GPR158: variants seen among roughly 807,000 people sequenced by gnomAD.
GPR158 encodes the protein G protein-coupled receptor 158.
Under a neutral mutation model 78.2 loss-of-function variants are expected in GPR158, and 30 were observed. The ratio of observed to expected loss-of-function variants is 0.38; its 90% confidence interval spans 0.29 to 0.52. The LOEUF (loss-of-function observed/expected upper bound fraction) is 0.52. GPR158 is among the 20% of genes least tolerant of loss of function. The pLI is 0.83. For synonymous variants in GPR158, 581 were observed against 591.1 expected, an observed-to-expected ratio of 0.98 and a Z score of 0.25; for missense variants, 1,463 against 1,523.5, an observed-to-expected ratio of 0.96 and a Z score of 0.66.
At chr10:25,236,147 T>C (rs945208626) in intron 2 of GPR158, among the ~76,000 whole-genome samples, 5 of 152,182 alleles carry the variant, frequency 3.3e-5, no homozygotes, top group Non-Finnish European at 7.3e-5. Context: ...TTCACCACTG[T>C]CTCAAGTGCC....
At chr10:25,204,994 T>A (rs994566820) in intron 1 of GPR158, among the ~76,000 whole-genome samples, 18 of 152,020 alleles carry the variant, frequency 1.2e-4, no homozygotes, top group Admixed American at 7.9e-4. Flanking sequence ...CCCATACTGT[T>A]CTTATGCTAG....
intron 2 of GPR158, among the ~76,000 whole-genome samples, chr10:25,261,285 A>G (rs1853963872): frequency 6.6e-6 from 1 of 152,122 alleles, no homozygotes; most frequent in African/African-American, 2.4e-5. Context: ...CACTTTCCTC[A>G]GCCAAATAGT....
At chr10:25,225,183 CTTT>C (rs60603738) in intron 2 of GPR158, among the ~76,000 whole-genome samples, 2 of 134,738 alleles carry the variant, frequency 1.5e-5, no homozygotes, top group African/African-American at 2.8e-5. Context: ...GAACATTTGC[CTTT>C]TTTTTTTTTT....
At chr10:25,529,924 A>G (rs1274740079) in intron 5 of GPR158, among the ~76,000 whole-genome samples, 2 of 152,114 alleles carry the variant, frequency 1.3e-5, no homozygotes, top group Non-Finnish European at 2.9e-5. Context: ...AATTGTTTTC[A>G]TATATTTTTG....
intron 2 of GPR158, among the ~76,000 whole-genome samples, chr10:25,248,164 T>G (rs1184117835): frequency 6.6e-6 from 1 of 151,834 alleles, no homozygotes; most frequent in Non-Finnish European, 1.5e-5. Flanking sequence ...GATGGGGTTG[T>G]TTGTTTTTTT....
In GPR158 at chr10:25,460,845, C is replaced by T. The variant is rs909903875; in HGVS notation, c.1336-5806C>T. ...AAATCTATCATAGCCATTTTTCCAA[C>T]AGCATGTGCTCACTTTGTATCTCTG... On this transcript the variant is annotated intron_variant, in intron 4 of 10. Transcript: ENST00000376351. Among the ~76,000 whole-genome samples the T allele has an allele frequency of 5.9e-5, 9 of 152,320 alleles. No homozygotes were observed. The East Asian group carries it at 1.2e-3, about 20-fold the overall frequency.
At chr10:25,520,483 T>A (rs906633991) in intron 5 of GPR158, among the ~76,000 whole-genome samples, 2 of 150,268 alleles carry the variant, frequency 1.3e-5, no homozygotes, top group Non-Finnish European at 2.9e-5. Context: ...TTCTGTTCTG[T>A]TTTTTCCCCA....
At chr10:25,252,113 T>C (rs965622246) in intron 2 of GPR158, among the ~76,000 whole-genome samples, 4 of 152,208 alleles carry the variant, frequency 2.6e-5, no homozygotes, top group African/African-American at 9.7e-5. Context: ...CATCAGCTCC[T>C]GAGGCTTCTG....
intron 2 of GPR158, among the ~76,000 whole-genome samples, chr10:25,316,318 A>G (rs1265818746): frequency 2.0e-5 from 3 of 152,204 alleles, no homozygotes; most frequent in Admixed American, 6.5e-5. Context: ...AAAATCTCAG[A>G]AATATTTTCA....
chr10:25,437,624 G>A (rs568676853), intron 4 of GPR158, among the ~76,000 whole-genome samples: 10 of 152,270 alleles, frequency 6.6e-5, no homozygotes, highest in Middle Eastern at 3.4e-3. Flanking sequence ...AACACCATTT[G>A]CAGTAAATTC....
intron 4 of GPR158, among the ~76,000 whole-genome samples, chr10:25,460,682 T>C (rs12267402): frequency 0.037 from 5,688 of 152,286 alleles, 367 homozygotes; most frequent in African/African-American, 0.13. Context: ...GTTATCAACT[T>C]AGTATGTATC....
chr10:25,370,379 G>A (rs1244901990), intron 2 of GPR158, among the ~76,000 whole-genome samples: 8 of 116,408 alleles, frequency 6.9e-5, no homozygotes, highest in East Asian at 2.0e-4. Flanking sequence ...CTTTGTTCTC[G>A]TTGGTTTCAA....
chr10:25,403,863 G>A (rs1422789529), intron 3 of GPR158, among the ~76,000 whole-genome samples: 1 of 151,962 alleles, frequency 6.6e-6, no homozygotes. Flanking sequence ...TTATTCTTTT[G>A]AGAGAGCACT....
intron 5 of GPR158, among the ~76,000 whole-genome samples, chr10:25,471,894 T>G (rs1256935696): frequency 2.0e-5 from 3 of 152,340 alleles, no homozygotes; most frequent in African/African-American, 7.2e-5. Flanking sequence ...TGCGAAAATT[T>G]TCTCCCATTT....
chr10:25,355,805 T>C lies in GPR158; in HGVS notation c.1009-40106T>C, dbSNP rs548123046. Among the ~76,000 whole-genome samples the C allele has an allele frequency of 3.3e-5, 5 of 152,184 alleles. No individual in the cohort carries two copies. The East Asian group carries it at 9.7e-4, about 30-fold the overall frequency. On this transcript the variant is annotated intron_variant, in intron 2 of 10. Coordinates refer to ENST00000376351, the MANE Select transcript of GPR158 (RefSeq NM_020752.3). The stretch of plus-strand genomic sequence containing the variant: ...AATGGGGTGGGTTTCAAAGGTGATA[T>C]CCTAGTAGTGTGGAAAGGCTGGCTA...
At chr10:25,565,809 T>TGATAGAGACAGCTGACCGTGGC (rs1564491781) in intron 6 of GPR158, among the ~76,000 whole-genome samples, 11 of 151,670 alleles carry the variant, frequency 7.3e-5, no homozygotes, top group African/African-American at 2.7e-4. Context: ...CTGACCGTGG[T>TGATAGAGACAGCTGACCGTGGC]GAGTGATAGA....
At chr10:25,304,887 T>G (rs1443618045) in intron 2 of GPR158, among the ~76,000 whole-genome samples, 1 of 152,220 alleles carries the variant, frequency 6.6e-6, no homozygotes, top group African/African-American at 2.4e-5. Flanking sequence ...TTCTGATTCT[T>G]GCATAGCCTC....
chr10:25,314,598 A>G (rs1042716792), intron 2 of GPR158, among the ~76,000 whole-genome samples: 1 of 149,936 alleles, frequency 6.7e-6, no homozygotes, highest in Non-Finnish European at 1.5e-5. Context: ...ATTGATTTTT[A>G]TGCTTACTTT....
intron 2 of GPR158, among the ~76,000 whole-genome samples, chr10:25,223,955 G>A (rs1307415888): frequency 3.3e-5 from 5 of 152,118 alleles, no homozygotes; most frequent in African/African-American, 1.2e-4. Flanking sequence ...AGCCTCTAGG[G>A]TATGTACAAC....
Sources: gnomAD v4.1 joint callset for allele counts (sites outside exome capture counted in the v4.1 genomes callset) on GRCh38, gnomAD v4.1.1 for gene constraint, MANE v1.5 for transcripts, NCBI Gene and HGNC (gene_info 2026-07-23, HGNC 2026-07-21) for gene names.